FGF14: variants seen among roughly 807,000 people sequenced by gnomAD.
The protein encoded by FGF14 is fibroblast growth factor 14.
In FGF14, 5 loss-of-function variants were observed where a neutral mutation model predicts 25.5. The ratio of observed to expected loss-of-function variants is 0.20; its 90% CI spans 0.10 to 0.41. FGF14 has a LOEUF of 0.41. Among genes scored for constraint, FGF14 ranks in the 10% least tolerant of loss-of-function variants. The probability of loss-of-function intolerance (pLI) is 1.00; values close to 1 mark genes in which losing one functional copy is unlikely to be tolerated. For synonymous variants in FGF14, 138 were observed against 118.3 expected, an observed-to-expected ratio of 1.17 and a Z score of -1.08; for missense variants, 222 against 320.1, an observed-to-expected ratio of 0.69 and a Z score of 2.34.
intron 1 of FGF14, among the ~76,000 whole-genome samples, chr13:101,974,851 A>G (rs553286774): frequency 6.6e-6 from 1 of 152,302 alleles, no homozygotes; most frequent in Admixed American, 6.5e-5. Flanking sequence ...TGTTGAATGA[A>G]TGTGTGTCCA....
At chr13:101,789,303 T>C (rs1210149830) in intron 3 of FGF14, among the ~76,000 whole-genome samples, 2 of 152,166 alleles carry the variant, frequency 1.3e-5, no homozygotes, top group African/African-American at 2.4e-5. Flanking sequence ...TCTGGAACCA[T>C]TAGGGGTTCT....
chr13:101,810,188 T>C (rs1421697728), intron 3 of FGF14, among the ~76,000 whole-genome samples: 1 of 152,180 alleles, frequency 6.6e-6, no homozygotes, highest in Non-Finnish European at 1.5e-5. Context: ...CATTAAGCCA[T>C]AGTGTTTTCT....
intron 1 of FGF14, among the ~76,000 whole-genome samples, chr13:102,328,517 G>A (rs1053315697): frequency 1.3e-5 from 2 of 152,142 alleles, no homozygotes; most frequent in Non-Finnish European, 2.9e-5. Flanking sequence ...TAGAATATTA[G>A]TCTGCCCCTC....
At chr13:102,042,996 G>A (rs576216627) in intron 1 of FGF14, among the ~76,000 whole-genome samples, 4 of 152,250 alleles carry the variant, frequency 2.6e-5, no homozygotes, top group South Asian at 2.1e-4. Flanking sequence ...TAAAAAATAC[G>A]AATTTACCAG....
chr13:102,161,566 G>GAA (rs1364827939), intron 1 of FGF14, among the ~76,000 whole-genome samples: 2 of 2,258 alleles, frequency 8.9e-4, no homozygotes, highest in Non-Finnish European at 1.2e-3. Flanking sequence ...AACTTTCTGT[G>GAA]AAGAAAGAAA....
chr13:102,114,291 TTATA>T (rs2045363037), intron 1 of FGF14, among the ~76,000 whole-genome samples: 1 of 152,194 alleles, frequency 6.6e-6, no homozygotes, highest in South Asian at 2.1e-4. Context: ...TAGGAATTTC[TTATA>T]TATTTTAGAG....
chr13:102,339,247 T>TA (rs1005734720), intron 1 of FGF14, among the ~76,000 whole-genome samples: 119 of 151,550 alleles, frequency 7.9e-4, no homozygotes, highest in African/African-American at 2.6e-3. Context: ...TAAAAAAATG[T>TA]AAAAATTAAA....
At chr13:101,864,868 T>C (rs1036653196) in intron 3 of FGF14, among the ~76,000 whole-genome samples, 4 of 152,258 alleles carry the variant, frequency 2.6e-5, no homozygotes, top group African/African-American at 7.2e-5. Flanking sequence ...AAGATTACCT[T>C]ATCATTCAGA....
rs76030921 is a variant in FGF14 at position 102,090,026 on chromosome 13, A to G, written c.209-214730T>C. 4.5e-3 allele frequency among the ~76,000 whole-genome samples: 692 copies of G among 152,302 alleles called. 10 individuals carry two copies. Among genetic ancestry groups the G allele is most frequent in the African/African-American group, 0.016 (646 of 41,574 alleles). ...TAAATGGCAACAGACCCTGTTGAAT[A>G]ATTGTCTTCTAGTGTTAGATGATTA... On this transcript the variant is annotated intron_variant, in intron 1 of 4. Transcript: ENST00000376131.
chr13:101,819,194 T>G, intron 3 of FGF14, among the ~76,000 whole-genome samples: 1 of 152,024 alleles, frequency 6.6e-6, no homozygotes, highest in East Asian at 1.9e-4. Flanking sequence ...CTCAGAACAC[T>G]TAAATTAACT....
At chr13:102,300,932 CACACAT>C (rs10551753) in intron 1 of FGF14, among the ~76,000 whole-genome samples, 12,661 of 70,912 alleles carry the variant, frequency 0.18, 855 homozygotes, top group African/African-American at 0.3. Context: ...CACACACACA[CACACAT>C]ACACACACAC....
chr13:101,884,359 CAT>C (rs1356848542), intron 1 of FGF14, among the ~76,000 whole-genome samples: 1 of 151,948 alleles, frequency 6.6e-6, no homozygotes, highest in Non-Finnish European at 1.5e-5. Context: ...AAGATGATGA[CAT>C]GTCATTTTCA....
At chr13:102,147,371 GC>G (rs888217001) in intron 1 of FGF14, among the ~76,000 whole-genome samples, 1 of 152,196 alleles carries the variant, frequency 6.6e-6, no homozygotes, top group African/African-American at 2.4e-5. Context: ...TTCTGAATAT[GC>G]AGGTGTATGT....
chr13:102,214,579 C>T (rs1871290987), intron 1 of FGF14, among the ~76,000 whole-genome samples: 1 of 152,106 alleles, frequency 6.6e-6, no homozygotes, highest in South Asian at 2.1e-4. Context: ...CCCTGGAATG[C>T]CATTTAGTTT....
intron 1 of FGF14, among the ~76,000 whole-genome samples, chr13:102,018,714 T>A (rs2040478714): frequency 6.6e-6 from 1 of 152,114 alleles, no homozygotes; most frequent in East Asian, 1.9e-4. Context: ...GGCCTCTTCA[T>A]CCAGCTCCTC....
At chr13:101,959,585 T>G (rs2036716872) in intron 1 of FGF14, among the ~76,000 whole-genome samples, 1 of 152,222 alleles carries the variant, frequency 6.6e-6, no homozygotes, top group African/African-American at 2.4e-5. Context: ...TTATTCCAAC[T>G]TGGAGTTTCT....
chr13:102,213,170 A>G (rs2050229632), intron 1 of FGF14, among the ~76,000 whole-genome samples: 1 of 152,218 alleles, frequency 6.6e-6, no homozygotes, highest in Admixed American at 6.5e-5. Flanking sequence ...GGATCAGTAT[A>G]CATCAAATCA....
At chr13:101,724,614 A>ATGTTT (rs1454528950) in intron 4 of FGF14, among the ~76,000 whole-genome samples, 2 of 142,484 alleles carry the variant, frequency 1.4e-5, no homozygotes, top group African/African-American at 5.2e-5. Context: ...ATATATATAT[A>ATGTTT]TATATATATA....
chr13:101,900,565 C>A (rs886683019), intron 1 of FGF14, among the ~76,000 whole-genome samples: 8 of 152,000 alleles, frequency 5.3e-5, no homozygotes, highest in African/African-American at 1.9e-4. Flanking sequence ...GTAAAAGAAG[C>A]CAGACACAAT....
Sources: allele counts gnomAD v4.1 joint callset (sites outside exome capture counted in the v4.1 genomes callset), GRCh38; gene constraint gnomAD v4.1.1; transcripts MANE v1.5; gene names NCBI Gene and HGNC (gene_info 2026-07-23, HGNC 2026-07-21).